Variants in TENM2 observed in about 807,000 individuals in gnomAD.
TENM2 encodes the protein teneurin-2.
TENM2 carries 52 observed loss-of-function variants against 245.2 expected under a neutral mutation model. That is an observed-to-expected ratio of 0.21 (90% CI 0.17 to 0.27). The LOEUF (loss-of-function observed/expected upper bound fraction) is 0.27. Ranked by LOEUF, TENM2 falls within the 10% of genes least tolerant of loss-of-function variation. The pLI is 1.00. For synonymous variants in TENM2, 1,363 were observed against 1,438.9 expected (o/e 0.95, Z 1.19); for missense variants, 3,046 against 3,666.8 (o/e 0.83, Z 4.37).
At chr5:167,864,360 TG>T (rs1307826088) in intron 2 of TENM2, among the ~76,000 whole-genome samples, 2 of 152,370 alleles carry the variant, frequency 1.3e-5, no homozygotes, top group Admixed American at 6.5e-5. Flanking sequence ...CAGAAAGTCC[TG>T]TAAGGGGAAT....
At chr5:167,361,609 G>T (rs1374431836) in intron 1 of TENM2, among the ~76,000 whole-genome samples, 2 of 152,174 alleles carry the variant, frequency 1.3e-5, no homozygotes, top group Admixed American at 6.5e-5. Flanking sequence ...TTTTTCAGGA[G>T]ACTTTTTTCA....
intron 19 of TENM2, among the ~76,000 whole-genome samples, chr5:168,210,832 C>T (rs577648809): frequency 6.6e-6 from 1 of 152,018 alleles, no homozygotes; most frequent in African/African-American, 2.4e-5. Context: ...CTAGAAGCCT[C>T]GAGAATGGGA....
intron 2 of TENM2, among the ~76,000 whole-genome samples, chr5:167,540,144 A>G (rs1772108474): frequency 1.3e-5 from 2 of 152,196 alleles, no homozygotes; most frequent in Non-Finnish European, 2.9e-5. Context: ...GAAGCAAGGA[A>G]CACACAATTG....
the TENM2 span, among the ~76,000 whole-genome samples, chr5:167,254,349 T>A: frequency 1.3e-5 from 2 of 152,160 alleles, no homozygotes; most frequent in Non-Finnish European, 1.5e-5. Flanking sequence ...CCATGTCTAG[T>A]GCTAAATGCC....
At chr5:167,040,165 A>G in the TENM2 span, among the ~76,000 whole-genome samples, 6 of 152,130 alleles carry the variant, frequency 3.9e-5, no homozygotes, top group East Asian at 1.2e-3. Flanking sequence ...CTAATGCCCT[A>G]TTTCTGTGCT....
intron 9 of TENM2, among the ~76,000 whole-genome samples, chr5:168,107,274 G>A (rs1200003773): frequency 6.6e-6 from 1 of 152,022 alleles, no homozygotes; most frequent in African/African-American, 2.4e-5. Context: ...CCACTGCCCT[G>A]CTCACTCGGC....
intron 2 of TENM2, among the ~76,000 whole-genome samples, chr5:167,786,353 C>G (rs867810335): frequency 7.2e-5 from 11 of 152,302 alleles, no homozygotes; most frequent in African/African-American, 2.6e-4. Context: ...GTGACTGGAC[C>G]TATGTTCATC....
chr5:168,124,870 T>C, exon 11 of TENM2: 1 of 1,612,390 alleles, frequency 6.2e-7, no homozygotes, highest in East Asian at 2.2e-5. Context: ...GGATCCCACC[T>C]GCTCCAGCCA....
At chr5:168,002,184 A>C (rs921578633) in intron 5 of TENM2, among the ~76,000 whole-genome samples, 2 of 152,208 alleles carry the variant, frequency 1.3e-5, no homozygotes, top group African/African-American at 4.8e-5. Context: ...CATTTCTTTC[A>C]TCATGACTTT....
intron 19 of TENM2, among the ~76,000 whole-genome samples, chr5:168,210,627 T>C (rs1762728320): frequency 6.8e-6 from 1 of 146,694 alleles, no homozygotes; most frequent in Non-Finnish European, 1.5e-5. Flanking sequence ...TTTTTTTTTT[T>C]GCAAAAACTA....
chr5:167,566,746 A>G (rs1306024967), intron 2 of TENM2, among the ~76,000 whole-genome samples: 2 of 152,186 alleles, frequency 1.3e-5, no homozygotes, highest in Non-Finnish European at 2.9e-5. Context: ...ATGGAGAGGA[A>G]CGTAAATTCT....
chr5:167,697,281 C>A (rs1330885423), intron 2 of TENM2, among the ~76,000 whole-genome samples: 1 of 152,192 alleles, frequency 6.6e-6, no homozygotes. Flanking sequence ...CCATAGAAGG[C>A]CCTCCTTGGC....
At chr5:168,081,663 A>G (rs1792011141) in intron 7 of TENM2, among the ~76,000 whole-genome samples, 1 of 152,110 alleles carries the variant, frequency 6.6e-6, no homozygotes, top group Non-Finnish European at 1.5e-5. Flanking sequence ...TTGTCTGTAA[A>G]GGATTTTATT....
chr5:167,337,783 T>TA (rs1240212807), intron 1 of TENM2, among the ~76,000 whole-genome samples: 1 of 152,206 alleles, frequency 6.6e-6, no homozygotes. Context: ...CAAAGGAGGC[T>TA]AAGTGCTGGC....
chr5:167,461,229 T>C (rs1440403947), intron 2 of TENM2, among the ~76,000 whole-genome samples: 1 of 152,176 alleles, frequency 6.6e-6, no homozygotes, highest in Non-Finnish European at 1.5e-5. Context: ...TCTTTTTTTT[T>C]TTTAACTTTC....
chr5:167,782,357 G>C (rs1764256283), intron 2 of TENM2, among the ~76,000 whole-genome samples: 1 of 136,958 alleles, frequency 7.3e-6, no homozygotes, highest in South Asian at 2.4e-4. Context: ...GAAAATAAAA[G>C]TTGGCTTCTG....
intron 2 of TENM2, among the ~76,000 whole-genome samples, chr5:167,617,661 C>T (rs1459066): frequency 0.66 from 100,717 of 151,948 alleles, 33,570 homozygotes; most frequent in Middle Eastern, 0.75. Context: ...CTAATATCCC[C>T]TAGTAGAGGC....
At chr5:167,986,570 G>A (rs1445298318) in intron 4 of TENM2, among the ~76,000 whole-genome samples, 3 of 152,206 alleles carry the variant, frequency 2.0e-5, no homozygotes, top group Non-Finnish European at 4.4e-5. Flanking sequence ...CTCCAAGGAT[G>A]GCACTTTGGG....
intron 1 of TENM2, among the ~76,000 whole-genome samples, chr5:167,363,303 A>G (rs1217057765): frequency 2.0e-5 from 3 of 152,212 alleles, no homozygotes; most frequent in Admixed American, 6.5e-5. Flanking sequence ...AAAAAGAGGT[A>G]TGTGTTCAAC....
Sources: allele counts gnomAD v4.1 joint callset (sites outside exome capture counted in the v4.1 genomes callset), GRCh38; gene constraint gnomAD v4.1.1; transcripts MANE v1.5; gene names NCBI Gene and HGNC (gene_info 2026-07-23, HGNC 2026-07-21).